PSD3: variants seen among roughly 807,000 people sequenced by gnomAD.
PSD3 encodes pleckstrin and Sec7 domain containing 3, also known as PH and SEC7 domain-containing protein 3.
Under a neutral mutation model 105.5 loss-of-function variants are expected in PSD3, and 49 were observed. The ratio of observed to expected loss-of-function variants is 0.46; its 90% CI spans 0.37 to 0.59. The LOEUF is 0.59. Among genes scored for constraint, PSD3 ranks in the 20% least tolerant of loss-of-function variants. The probability of loss-of-function intolerance (pLI) is 0.00; values close to 1 mark genes in which losing one functional copy is unlikely to be tolerated. For missense variants in PSD3, 1,561 were observed against 1,263.8 expected, an observed-to-expected ratio of 1.24 and a Z score of -3.57; for synonymous variants, 557 against 457.8, an observed-to-expected ratio of 1.22 and a Z score of -2.77.
At chr8:19,053,714 G>A (rs116155714) in intron 1 of PSD3, among the ~76,000 whole-genome samples, 314 of 151,544 alleles carry the variant, frequency 2.1e-3, no homozygotes, top group African/African-American at 7.1e-3. Context: ...ATTGCAGTGA[G>A]ACTTCGTCTC....
rs960934135 is a variant in PSD3, at chr8:19,073,135, T to C, written c.324+11071A>G. Among the ~76,000 whole-genome samples the C allele has an allele frequency of 4.6e-5, 4 of 86,660 alleles. No individual in the cohort carries two copies. The Admixed American group carries it at 6.0e-4, about 13-fold the overall frequency. 56.9% of individuals were successfully genotyped at this position (86,660 alleles called of 152,430 possible). On this transcript the variant is annotated intron_variant, in intron 1 of 1. Coordinates refer to the PSD3 transcript ENST00000521475. ...TTCTTTTTCTTGCCTCTTAACAGAA[T>C]GATAACCCATTTTTTTTCCCATAAG...
chr8:18,579,118 ACACAC>A (rs1802645397), intron 12 of PSD3, among the ~76,000 whole-genome samples: 1 of 151,806 alleles, frequency 6.6e-6, no homozygotes, highest in Non-Finnish European at 1.5e-5. Flanking sequence ...ACACACACAC[ACACAC>A]ACACACACAC....
At chr8:18,907,107 A>C (rs898991941) in intron 2 of PSD3, among the ~76,000 whole-genome samples, 4 of 152,258 alleles carry the variant, frequency 2.6e-5, no homozygotes, top group Admixed American at 2.0e-4. Context: ...AAGTTTACAA[A>C]GTAAAATAGT....
At chr8:18,876,005 TG>T (rs755764298) in intron 2 of PSD3, among the ~76,000 whole-genome samples, 5 of 152,230 alleles carry the variant, frequency 3.3e-5, no homozygotes, top group African/African-American at 4.8e-5. Flanking sequence ...ATATGGCATT[TG>T]GGGTCTGACT....
At chr8:18,802,512 T>C (rs1192474141) in intron 6 of PSD3, among the ~76,000 whole-genome samples, 3 of 152,222 alleles carry the variant, frequency 2.0e-5, no homozygotes, top group African/African-American at 7.2e-5. Flanking sequence ...GACAAAACTT[T>C]AATTTTTCAT....
At chr8:19,000,759 T>C (rs1826331562) in intron 1 of PSD3, 1 of 151,962 alleles carries the variant, frequency 6.6e-6, no homozygotes, top group Non-Finnish European at 1.5e-5. Context: ...CAGGAAATTC[T>C]ATTCTGCCGT....
At chr8:18,621,646 C>A (rs1334942962) in intron 11 of PSD3, among the ~76,000 whole-genome samples, 1 of 152,152 alleles carries the variant, frequency 6.6e-6, no homozygotes, top group African/African-American at 2.4e-5. Context: ...GTTCACATGG[C>A]TGCCCTCACA....
chr8:19,004,363 A>G (rs1319730310), intron 1 of PSD3, among the ~76,000 whole-genome samples: 1 of 152,074 alleles, frequency 6.6e-6, no homozygotes, highest in African/African-American at 2.4e-5. Flanking sequence ...TACACAAGTC[A>G]TCATACTGAA....
At chr8:18,712,184 C>A (rs1191104654) in intron 9 of PSD3, among the ~76,000 whole-genome samples, 1 of 151,980 alleles carries the variant, frequency 6.6e-6, no homozygotes, top group African/African-American at 2.4e-5. Context: ...AAAGACCTCA[C>A]ATCAACAACC....
intron 8 of PSD3, among the ~76,000 whole-genome samples, chr8:18,788,599 T>G (rs1227811022): frequency 6.6e-6 from 1 of 152,194 alleles, no homozygotes; most frequent in East Asian, 1.9e-4. Flanking sequence ...AAATTCTTCA[T>G]TTTTGATAGT....
intron 9 of PSD3, among the ~76,000 whole-genome samples, chr8:18,692,662 T>C (rs544791337): frequency 1.4e-4 from 22 of 152,194 alleles, no homozygotes; most frequent in African/African-American, 5.1e-4. Flanking sequence ...CAGAACCTGA[T>C]TGGAATTTTG....
chr8:19,046,904 G>A (rs996916521), intron 1 of PSD3, among the ~76,000 whole-genome samples: 2 of 152,202 alleles, frequency 1.3e-5, no homozygotes, highest in African/African-American at 4.8e-5. Context: ...AAATTCTCAA[G>A]TTTGCATCTC....
chr8:18,965,508 C>T lies in PSD3; in HGVS notation c.22-29366G>A, dbSNP rs567142909. Reference sequence around the variant, plus strand: ...CATCACACACGCTAGTGAGAAAGGACCCATGCCCGGTTGCCACTGTGACCA... The same window carrying T: ...CATCACACACGCTAGTGAGAAAGGATCCATGCCCGGTTGCCACTGTGACCA... On this transcript the variant is annotated intron_variant, in intron 1 of 15. Coordinates refer to ENST00000327040, the MANE Select transcript of PSD3 (RefSeq NM_015310.4). Among the ~76,000 whole-genome samples the T allele has an allele frequency of 9.2e-5, 14 of 152,288 alleles. 1 individual carries two copies. In the South Asian group the frequency reaches 2.7e-3, roughly 29 times the overall value.
intron 2 of PSD3, among the ~76,000 whole-genome samples, chr8:18,877,518 T>C (rs1817801899): frequency 6.6e-6 from 1 of 151,352 alleles, no homozygotes; most frequent in South Asian, 2.1e-4. Flanking sequence ...GACTCTCAAG[T>C]CCATTGAGCT....
chr8:19,022,674 A>T (rs1486420194), intron 1 of PSD3, among the ~76,000 whole-genome samples: 1 of 152,180 alleles, frequency 6.6e-6, no homozygotes, highest in Admixed American at 6.5e-5. Context: ...TTTCTCCAAC[A>T]GGTCTCTTTG....
At chr8:18,659,540 AAG>A (rs1563150855) in intron 9 of PSD3, among the ~76,000 whole-genome samples, 1 of 152,232 alleles carries the variant, frequency 6.6e-6, no homozygotes, top group Non-Finnish European at 1.5e-5. Context: ...TACATCAACT[AAG>A]TACATTGTCT....
intron 4 of PSD3, among the ~76,000 whole-genome samples, chr8:18,839,237 A>C (rs1355268241): frequency 1.3e-5 from 2 of 152,134 alleles, no homozygotes; most frequent in Non-Finnish European, 2.9e-5. Flanking sequence ...TTCTGGCATT[A>C]CCAATACAGA....
intron 4 of PSD3, among the ~76,000 whole-genome samples, chr8:18,839,419 A>T (rs1338937791): frequency 6.6e-6 from 1 of 152,194 alleles, no homozygotes; most frequent in African/African-American, 2.4e-5. Flanking sequence ...TATTGTCCAA[A>T]GGTGAATTTC....
chr8:18,737,381 C>T (rs1270641869), intron 9 of PSD3, among the ~76,000 whole-genome samples: 3 of 152,134 alleles, frequency 2.0e-5, no homozygotes, highest in African/African-American at 4.8e-5. Flanking sequence ...GGATGGAATG[C>T]AGTGCATGCT....
Sources: gnomAD v4.1 joint callset for allele counts (sites outside exome capture counted in the v4.1 genomes callset) on GRCh38, gnomAD v4.1.1 for gene constraint, MANE v1.5 for transcripts, NCBI Gene and HGNC (gene_info 2026-07-23, HGNC 2026-07-21) for gene names.